The following MPPE1 variants were observed in gnomAD, a reference collection of about 807,000 sequenced individuals.
MPPE1 encodes metallo phosphoesterase.
In MPPE1, 28 loss-of-function variants were observed where a neutral mutation model predicts 43.8. The observed-to-expected ratio is 0.64, with a 90% CI of 0.47 to 0.88. MPPE1 has a LOEUF of 0.88. Among genes scored for constraint, MPPE1 ranks in the 40% least tolerant of loss-of-function variants. The probability of loss-of-function intolerance (pLI) is 0.00; values close to 1 mark genes in which losing one functional copy is unlikely to be tolerated. For synonymous variants in MPPE1, 159 were observed against 188.5 expected (o/e 0.84, Z 1.28); for missense variants, 428 against 492.2 (o/e 0.87, Z 1.23).
rs375316149 is a variant in MPPE1 at position 11,885,796 on chromosome 18, C to T, written c.888G>A (p.Pro296=). Residue 296 remains proline (P), a synonymous_variant, in exon 10 of 11, where the codon CCG becomes CCA. Transcript: ENST00000588072. The part of the protein sequence containing the change: ...ASQKLLWWLQ[P]RLVLSGHTHS... ...GCGTGTGGCCACTGAGAACCAGGCGCGGCTGGAGCCACCACAGCAGCTGAC... is the reference window on the plus strand; with the variant it reads ...GCGTGTGGCCACTGAGAACCAGGCGTGGCTGGAGCCACCACAGCAGCTGAC... 47 of 1,609,704 alleles carry T rather than the reference C, an allele frequency of 2.9e-5. No homozygotes were observed. Among genetic ancestry groups the T allele is most frequent in the African/African-American group, 2.3e-4 (17 of 74,878 alleles).
chr18:11,884,690 A>C, intron 10 of MPPE1, 63 bp from the exon 11 acceptor site: 1 of 1,528,668 alleles, frequency 6.5e-7, no homozygotes, highest in Non-Finnish European at 9.0e-7. Flanking sequence ...CCGCAGTCTT[A>C]GAAACAGCAG....
chr18:11,892,282 G>C (rs1251029066), intron 4 of MPPE1, among the ~76,000 whole-genome samples: 1 of 151,284 alleles, frequency 6.6e-6, no homozygotes, highest in African/African-American at 2.4e-5. Context: ...GGAGGTTGCA[G>C]TGAGCCAAAA....
chr18:11,892,254 C>T (rs1391073825), intron 4 of MPPE1, among the ~76,000 whole-genome samples: 1 of 151,220 alleles, frequency 6.6e-6, no homozygotes, highest in Non-Finnish European at 1.5e-5. Context: ...GAGGGAGAAT[C>T]GCTTGAACCC....
rs554460089 is a variant in MPPE1, at chr18:11,884,162, G to A, written c.*283C>T. The A allele has an allele frequency of 1.3e-5, 4 of 305,472 alleles. No individual in the cohort carries two copies. Among genetic ancestry groups the A allele is most frequent in the African/African-American group, 8.5e-5 (4 of 47,162 alleles). 18.9% of individuals were successfully genotyped at this position (305,472 alleles called of 1,614,324 possible). ...AAGGACTGTCGTGCATGTGAGTGAC[G>A]ACATTAATAGCATTTACATACTGTA... On this transcript the variant is annotated 3_prime_UTR_variant, in exon 11 of 11. Coordinates refer to ENST00000588072, the MANE Select transcript of MPPE1 (RefSeq NM_023075.6).
chr18:11,890,618 A>G (rs1355528114), intron 4 of MPPE1, among the ~76,000 whole-genome samples: 1 of 152,166 alleles, frequency 6.6e-6, no homozygotes, highest in Non-Finnish European at 1.5e-5. Flanking sequence ...CCTAATGCCA[A>G]ATTTTTAAAT....
chr18:11,890,231 C>G (rs1188154764), intron 4 of MPPE1, among the ~76,000 whole-genome samples: 1 of 152,146 alleles, frequency 6.6e-6, no homozygotes, highest in Non-Finnish European at 1.5e-5. Flanking sequence ...CGTGAGCCAC[C>G]ACACTTGGCC....
rs1335300388 is a variant in MPPE1 at position 11,886,837 on chromosome 18, A to T, written c.679-59T>A. The T allele has an allele frequency of 1.3e-6, 2 of 1,598,908 alleles. No homozygotes were observed. The highest frequency in any genetic ancestry group is 2.7e-5 in the African/African-American group (2 of 74,482). ...ACCTGACCCTCATCAAAGGGCAAGA[A>T]GCGCTAGGGGGCTGAGTGAGCAACC... On this transcript the variant is annotated intron_variant, in intron 7 of 10. Transcript: ENST00000588072. This position sits in a 1 kb window ranked among gnomAD's most constrained non-coding sequence, Gnocchi z 4.1.
chr18:11,886,615 G>A lies in MPPE1; in HGVS notation c.751C>T (p.Pro251Ser), dbSNP rs1484762085. The change falls in exon 9 of 11, where the codon CCT becomes TCT. Residue 251 changes from proline to serine, a missense_variant. Physicochemically the swap from Pro to Ser is moderately conservative, Grantham distance 74 (BLOSUM62 -1). Transcript: ENST00000588072. The surrounding 1 kb of genome is among the most constrained non-coding windows in gnomAD (Gnocchi z 4.1). ...TSAPVLLQHY[P>S]LYRRSDANCS... ...TTAGCATCACTTCTCCGATACAGAG[G>A]ATAATGCTGTCCGGGGTGGAGAGAG... 1.2e-6 allele frequency: 2 copies of A among 1,614,196 alleles called. No individual in the cohort carries two copies. The highest frequency in any genetic ancestry group is 1.7e-6 in the Non-Finnish European group (2 of 1,180,044).
chr18:11,899,015 C>G (rs2038872685), intron 2 of MPPE1, among the ~76,000 whole-genome samples: 1 of 151,864 alleles, frequency 6.6e-6, no homozygotes, highest in African/African-American at 2.4e-5. Context: ...TCAAGTGATT[C>G]TCATGCCTCA....
At chr18:11,893,787 C>T (rs2038269687) in intron 3 of MPPE1, among the ~76,000 whole-genome samples, 3 of 152,116 alleles carry the variant, frequency 2.0e-5, no homozygotes, top group South Asian at 4.1e-4. Flanking sequence ...GTCCGGCCAT[C>T]CCTTCCACAC....
In MPPE1 at chr18:11,886,630, G is replaced by A; in HGVS notation, c.745-9C>T. On this transcript the variant is annotated splice_polypyrimidine_tract_variant and intron_variant, in intron 8 of 10. Transcript: ENST00000588072. This position sits in a 1 kb window ranked among gnomAD's most constrained non-coding sequence, Gnocchi z 4.1. ...CGATACAGAGGATAATGCTGTCCGG[G>A]GTGGAGAGAGGAGTTCAGGCGGCTA... The A allele has an allele frequency of 6.2e-7, 1 of 1,614,164 alleles. No individual in the cohort carries two copies. The highest frequency in any genetic ancestry group is 8.5e-7 in the Non-Finnish European group (1 of 1,180,042).
chr18:11,893,556 GCT>G lies in MPPE1; in HGVS notation c.300_301del (p.Arg100SerfsTer22). ...CAGCAACCACAGAGCTGTCTGGAAC[GCT>G]CTCTCCATCTGCCATTCCCTTGATG... On this transcript the variant is annotated frameshift_variant, in exon 4 of 11. Coordinates refer to ENST00000588072, the MANE Select transcript of MPPE1 (RefSeq NM_023075.6). LOFTEE classifies it high-confidence loss of function. The G allele has an allele frequency of 6.2e-7, 1 of 1,614,014 alleles. No homozygotes were observed. The highest frequency in any genetic ancestry group is 1.1e-5 in the South Asian group (1 of 91,072).
chr18:11,900,743 T>TAA lies in MPPE1; in HGVS notation c.-92-3389_-92-3388dup, dbSNP rs567342345. Among the ~76,000 whole-genome samples the TAA allele has an allele frequency of 4.0e-3, 607 of 151,216 alleles. 8 individuals are homozygous for TAA. Among genetic ancestry groups the TAA allele is most frequent in the Non-Finnish European group, 6.0e-3 (407 of 67,772 alleles). On this transcript the variant is annotated intron_variant, in intron 2 of 10. Transcript: ENST00000588072. ...TAACACGGTGAAACCCCATCTCTAC[T>TAA]AAAAATACAAAAAATTAGCCAGGCG...
intron 10 of MPPE1, chr18:11,885,243 C>T (rs1055316751): frequency 1.5e-4 from 42 of 272,866 alleles, no homozygotes; most frequent in Non-Finnish European, 1.0e-4. Flanking sequence ...GGAGTTAAAA[C>T]GCCCAGTGGT....
chr18:11,897,110 G>T lies in MPPE1; in HGVS notation c.155C>A (p.Pro52His), dbSNP rs998969637. The T allele has an allele frequency of 1.2e-5, 18 of 1,488,620 alleles. No individual in the cohort carries two copies. The highest frequency in any genetic ancestry group is 1.6e-5 in the Non-Finnish European group (17 of 1,076,498). The allele number at this position is 1,488,620 out of a possible 1,614,324, so 92.2% of individuals were successfully genotyped here. ...ATCAGAGGCTGTGGTTTTCACTTCA[G>T]GCCAATTACACTGAAAGATCGCTAA... Reference protein sequence around the residue: ...YYLAIFQCNWPEVKTTASDGE... With the variant: ...YYLAIFQCNWHEVKTTASDGE... Residue 52 changes from proline to histidine, a missense_variant, in exon 3 of 11, where the codon CCT (proline) becomes CAT (histidine). Pro to His is a moderately conservative substitution (Grantham distance 77). Transcript: ENST00000588072.
intron 1 of MPPE1, among the ~76,000 whole-genome samples, chr18:11,907,592 G>C (rs1235412688): frequency 2.0e-5 from 3 of 151,410 alleles, no homozygotes; most frequent in African/African-American, 7.3e-5. Flanking sequence ...CTGCGCTGAA[G>C]CGATCCTTTC....
At chr18:11,901,187 A>T (rs112951175) in intron 2 of MPPE1, among the ~76,000 whole-genome samples, 5 of 152,204 alleles carry the variant, frequency 3.3e-5, no homozygotes, top group African/African-American at 1.2e-4. Flanking sequence ...CCTCTGTTTC[A>T]TTAGAATGGC....
At chr18:11,891,164 C>G (rs2037955020) in intron 4 of MPPE1, 1 of 152,192 alleles carries the variant, frequency 6.6e-6, no homozygotes, top group African/African-American at 2.4e-5. Flanking sequence ...AAAGATTCCA[C>G]TTTAACAAAT....
At position 11,886,999 on chromosome 18, in the gene MPPE1, A is replaced by G; in HGVS notation, c.596T>C (p.Leu199Pro). 6.2e-7 allele frequency: 1 copy of G among 1,613,672 alleles called. No homozygotes were observed. The highest frequency in any genetic ancestry group is 8.5e-7 in the Non-Finnish European group (1 of 1,179,656). ...INFVMVNSVALNGDGCGICSE... is the reference protein window; with the variant it reads ...INFVMVNSVAPNGDGCGICSE... ...GCAGATGCCACAGCCATCCCCGTTCAGCGCCACGCTGTTGACCATCACAAA... is the reference window on the plus strand; with the variant it reads ...GCAGATGCCACAGCCATCCCCGTTCGGCGCCACGCTGTTGACCATCACAAA... Residue 199 changes from leucine to proline, a missense_variant, in exon 7 of 11, where the codon CTG (leucine) becomes CCG (proline). Transcript: ENST00000588072. This position sits in a 1 kb window ranked among gnomAD's most constrained non-coding sequence, Gnocchi z 4.1.
Sources: allele counts gnomAD v4.1 joint callset (sites outside exome capture counted in the v4.1 genomes callset), GRCh38; gene constraint gnomAD v4.1.1; non-coding constraint Gnocchi (gnomAD v3.1); transcripts MANE v1.5; gene names NCBI Gene and HGNC (gene_info 2026-07-23, HGNC 2026-07-21).